Variants in INTS9 observed in about 807,000 individuals in gnomAD.
INTS9 encodes the protein integrator complex subunit 9.
INTS9 carries 55 observed loss-of-function variants against 79.7 expected under a neutral mutation model. The observed-to-expected ratio is 0.69, with a 90% CI of 0.56 to 0.86. INTS9 has a LOEUF of 0.86. Among genes scored for constraint, INTS9 ranks in the 40% least tolerant of loss-of-function variants. The pLI is 0.00. For synonymous variants in INTS9, 319 were observed against 325.2 expected (o/e 0.98, Z 0.20); for missense variants, 721 against 831.5 (o/e 0.87, Z 1.64).
At chr8:28,874,032 A>G (rs1160557442) in intron 1 of INTS9, among the ~76,000 whole-genome samples, 1 of 152,244 alleles carries the variant, frequency 6.6e-6, no homozygotes, top group Non-Finnish European at 1.5e-5. Flanking sequence ...AGTGCTAAAA[A>G]ATATCTTTTC....
At chr8:28,841,499 A>T in intron 4 of INTS9, among the ~76,000 whole-genome samples, 1 of 152,142 alleles carries the variant, frequency 6.6e-6, no homozygotes. Flanking sequence ...AAAAATAAAA[A>T]ATTATTCTGT....
chr8:28,833,502 C>T (rs567678193), intron 6 of INTS9, among the ~76,000 whole-genome samples: 12 of 152,006 alleles, frequency 7.9e-5, no homozygotes, highest in Non-Finnish European at 1.3e-4. Flanking sequence ...CACCTGCAGT[C>T]CCAGCTACTC....
chr8:28,810,823 G>A lies in INTS9; in HGVS notation c.744+1504C>T, dbSNP rs76514892. 4.1e-3 allele frequency among the ~76,000 whole-genome samples: 621 copies of A among 152,238 alleles called. 1 individual carries two copies. Among genetic ancestry groups the A allele is most frequent in the African/African-American group, 0.014 (601 of 41,542 alleles). On this transcript the variant is annotated intron_variant, in intron 8 of 16. Transcript: ENST00000521022. ...CACATTCATAACAATGTTTATATGT[G>A]CTAGGCTTCTTGCCAAATATGACTG...
intron 13 of INTS9, among the ~76,000 whole-genome samples, chr8:28,776,427 G>GT (rs72163162): frequency 0.28 from 22,937 of 83,124 alleles, 2,062 homozygotes; most frequent in African/African-American, 0.35. Context: ...CAGAGGCAGA[G>GT]TTTTTTTTTT....
At chr8:28,852,284 C>A (rs956604451) in intron 2 of INTS9, among the ~76,000 whole-genome samples, 1 of 119,190 alleles carries the variant, frequency 8.4e-6, no homozygotes, top group African/African-American at 3.0e-5. Flanking sequence ...TAAATCACAC[C>A]TGATAAACTC....
At position 28,796,087 on chromosome 8, in the gene INTS9, A is replaced by G. The variant is rs145881865; in HGVS notation, c.856+457T>C. Among the ~76,000 whole-genome samples, 492 of 152,310 alleles carry G rather than the reference A, an allele frequency of 3.2e-3. 3 individuals carry two copies. Among genetic ancestry groups the G allele is most frequent in the African/African-American group, 0.011 (466 of 41,576 alleles). The stretch of plus-strand genomic sequence containing the variant: ...CATTTTGGGAGGCCAAAGCGGGCGG[A>G]TTGCCTGAGGTCAGGAGTTCCAGAC... On this transcript the variant is annotated intron_variant, in intron 9 of 16. Transcript: ENST00000521022.
chr8:28,885,799 T>G (rs1332392224), intron 1 of INTS9, among the ~76,000 whole-genome samples: 1 of 152,238 alleles, frequency 6.6e-6, no homozygotes, highest in East Asian at 1.9e-4. Flanking sequence ...CGTACTCAGT[T>G]AGGCTCAATC....
rs546860163 is a variant in INTS9, at chr8:28,833,678, GA to G, written c.488+1613del. Among the ~76,000 whole-genome samples the G allele has an allele frequency of 4.5e-3, 633 of 140,674 alleles. 4 individuals carry two copies. Among genetic ancestry groups the G allele is most frequent in the African/African-American group, 0.014 (546 of 38,532 alleles). The allele number at this position is 140,674 out of a possible 152,430, so 92.3% of individuals were successfully genotyped here. A position where few individuals can be genotyped will look rare whatever the true frequency, so the allele number is the denominator to read the frequency against. ...AAAAAAAACAAAAGAAAAAGAAAAAGAAAAAAAAAAAGAAATCAAAAGACTA... is the reference window on the plus strand; with the variant it reads ...AAAAAAAACAAAAGAAAAAGAAAAAGAAAAAAAAAAGAAATCAAAAGACTA... On this transcript the variant is annotated intron_variant, in intron 6 of 16. Transcript: ENST00000521022.
intron 8 of INTS9, among the ~76,000 whole-genome samples, chr8:28,809,002 T>G (rs1474926780): frequency 6.6e-6 from 1 of 151,632 alleles, no homozygotes; most frequent in African/African-American, 2.4e-5. Flanking sequence ...CAGGCTAGAG[T>G]ACAATGGCAC....
chr8:28,871,656 T>G (rs1476664301), intron 1 of INTS9, among the ~76,000 whole-genome samples: 1 of 152,110 alleles, frequency 6.6e-6, no homozygotes, highest in East Asian at 1.9e-4. Context: ...TCCGCTCACC[T>G]CGGCCTTCCA....
chr8:28,850,216 G>A lies in INTS9; in HGVS notation c.195C>T (p.Asp65=). The change falls in exon 3 of 17, where the codon GAC becomes GAT. Residue 65 remains aspartate (D), a synonymous_variant. Coordinates refer to ENST00000521022, the MANE Select transcript of INTS9 (RefSeq NM_018250.4). Reference sequence around the variant, plus strand: ...AGTTTGTAGTCTTAGATATTACCTTGTCCAAGAAAGCATTTCCATCCTTCA... The same window carrying A: ...AGTTTGTAGTCTTAGATATTACCTTATCCAAGAAAGCATTTCCATCCTTCA... ...WSLKDGNAFL[D]KELKECSGHV... The A allele has an allele frequency of 6.2e-7, 1 of 1,612,570 alleles. No homozygotes were observed. The highest frequency in any genetic ancestry group is 8.5e-7 in the Non-Finnish European group (1 of 1,178,768).
At chr8:28,880,815 G>A (rs1809704356) in intron 1 of INTS9, among the ~76,000 whole-genome samples, 1 of 149,710 alleles carries the variant, frequency 6.7e-6, no homozygotes, top group Non-Finnish European at 1.5e-5. Context: ...AGCGAGGAGC[G>A]CCTCTTCCCC....
chr8:28,829,124 T>C (rs1806327668), intron 6 of INTS9, among the ~76,000 whole-genome samples: 1 of 152,234 alleles, frequency 6.6e-6, no homozygotes, highest in South Asian at 2.1e-4. Flanking sequence ...CTTGTAATGA[T>C]TTATCCTTAT....
Position 28,812,477 on chromosome 8 carries a change from A to G in INTS9, c.610-16T>C. The G allele has an allele frequency of 6.2e-7, 1 of 1,611,212 alleles. No individual in the cohort carries two copies. The highest frequency in any genetic ancestry group is 2.2e-5 in the East Asian group (1 of 44,804). Reference sequence around the variant, plus strand: ...CAAAAAGCTCCTAAAAGAGAACCACAGTAAGAATGTGCAATGAGCTTACAG... The same window carrying G: ...CAAAAAGCTCCTAAAAGAGAACCACGGTAAGAATGTGCAATGAGCTTACAG... On this transcript the variant is annotated splice_polypyrimidine_tract_variant and intron_variant, in intron 7 of 16. Coordinates refer to ENST00000521022, the MANE Select transcript of INTS9 (RefSeq NM_018250.4).
Position 28,768,107 on chromosome 8 carries a change from G to T in INTS9, c.*39C>A. 1 of 1,599,412 alleles carries T rather than the reference G, an allele frequency of 6.3e-7. No homozygotes were observed. The highest frequency in any genetic ancestry group is 8.6e-7 in the Non-Finnish European group (1 of 1,167,872). On this transcript the variant is annotated 3_prime_UTR_variant, in exon 17 of 17. Transcript: ENST00000521022. ...GTGGCTTGTGAGGGCAGCCAGTGAG[G>T]GACTGCAGGATTTCAGGGAAGTAGC...
intron 1 of INTS9, among the ~76,000 whole-genome samples, chr8:28,877,908 C>T (rs75195421): frequency 4.6e-5 from 7 of 151,840 alleles, no homozygotes; most frequent in South Asian, 2.1e-4. Flanking sequence ...CTACAAGCAA[C>T]GAAAATACAA....
At chr8:28,853,230 A>G (rs1807946217) in intron 2 of INTS9, among the ~76,000 whole-genome samples, 1 of 152,166 alleles carries the variant, frequency 6.6e-6, no homozygotes, top group African/African-American at 2.4e-5. Flanking sequence ...CCTGGCCAAC[A>G]TGGTGAAACC....
In INTS9 at chr8:28,864,784, C is replaced by T. The variant is rs117645131; in HGVS notation, c.10-5221G>A. Among the ~76,000 whole-genome samples, 168 of 152,158 alleles carry T rather than the reference C, an allele frequency of 1.1e-3. No homozygotes were observed. In the East Asian group the frequency reaches 0.026, roughly 24 times the overall value. On this transcript the variant is annotated intron_variant, in intron 1 of 16. Coordinates refer to ENST00000521022, the MANE Select transcript of INTS9 (RefSeq NM_018250.4). ...CAACTTGGCCAGATGCGGTGGCTCA[C>T]GCCTGTAATCCTAACATTTTGGGAG...
intron 1 of INTS9, among the ~76,000 whole-genome samples, chr8:28,865,984 TC>T (rs1352995552): frequency 1.5e-4 from 23 of 152,192 alleles, no homozygotes. Context: ...CTGGGTATTT[TC>T]TTCAGATTTA....
Sources: gnomAD v4.1 joint callset for allele counts (sites outside exome capture counted in the v4.1 genomes callset) on GRCh38, gnomAD v4.1.1 for gene constraint, MANE v1.5 for transcripts, NCBI Gene and HGNC (gene_info 2026-07-23, HGNC 2026-07-21) for gene names.